Variants in ARHGAP24 observed in about 807,000 individuals in gnomAD.
ARHGAP24 encodes the protein Rho GTPase activating protein 24, also known as rho GTPase-activating protein 24.
Under a neutral mutation model 76.4 loss-of-function variants are expected in ARHGAP24, and 50 were observed. That is an observed-to-expected ratio of 0.65 (90% CI 0.52 to 0.83). The LOEUF (loss-of-function observed/expected upper bound fraction) is 0.83. Ranked by LOEUF, ARHGAP24 falls within the 40% of genes least tolerant of loss-of-function variation. The probability of loss-of-function intolerance (pLI) is 0.00; values close to 1 mark genes in which losing one functional copy is unlikely to be tolerated. For synonymous variants in ARHGAP24, 345 were observed against 323.3 expected, an observed-to-expected ratio of 1.07 and a Z score of -0.72; for missense variants, 930 against 914.2, an observed-to-expected ratio of 1.02 and a Z score of -0.22.
At chr4:85,804,188 AT>A (rs1195550548) in intron 3 of ARHGAP24, among the ~76,000 whole-genome samples, 1 of 152,106 alleles carries the variant, frequency 6.6e-6, no homozygotes, top group Admixed American at 6.5e-5. Flanking sequence ...AATCTCCAAA[AT>A]TTTGTACAAC....
chr4:85,774,158 G>T (rs72976720), intron 3 of ARHGAP24, among the ~76,000 whole-genome samples: 3,583 of 152,274 alleles, frequency 0.024, 150 homozygotes, highest in African/African-American at 0.081. Flanking sequence ...GGCCGTACTT[G>T]AAGTGTAGTG....
At chr4:85,525,325 C>G (rs1308540660) in intron 1 of ARHGAP24, among the ~76,000 whole-genome samples, 1 of 147,632 alleles carries the variant, frequency 6.8e-6, no homozygotes, top group South Asian at 2.2e-4. Flanking sequence ...CCTTTTCACA[C>G]CTTTTCTAGC....
intron 5 of ARHGAP24, 190 bp downstream of exon 5, chr4:85,942,463 C>A (rs955569431): frequency 1.7e-4 from 100 of 590,522 alleles, no homozygotes; most frequent in African/African-American, 1.4e-3. Context: ...AGATATCTTT[C>A]TCTTCCATAC....
At chr4:85,970,427 A>G (rs942772391) in intron 5 of ARHGAP24, among the ~76,000 whole-genome samples, 2 of 152,184 alleles carry the variant, frequency 1.3e-5, no homozygotes, top group African/African-American at 4.8e-5. Context: ...TCAGCTTAGT[A>G]TCTGCAGCCT....
At chr4:85,779,636 A>G (rs190370794) in intron 3 of ARHGAP24, among the ~76,000 whole-genome samples, 56 of 152,248 alleles carry the variant, frequency 3.7e-4, no homozygotes, top group Non-Finnish European at 2.4e-4. Flanking sequence ...ATCTTAGTGT[A>G]AGCTCATTCA....
intron 2 of ARHGAP24, among the ~76,000 whole-genome samples, chr4:85,617,555 TAC>T (rs758434175): frequency 4.6e-5 from 7 of 152,126 alleles, no homozygotes; most frequent in Non-Finnish European, 8.8e-5. Flanking sequence ...GATATAGACA[TAC>T]AGTTATATAC....
chr4:85,745,841 A>G (rs994161973), intron 3 of ARHGAP24, among the ~76,000 whole-genome samples: 2 of 152,326 alleles, frequency 1.3e-5, no homozygotes, highest in Middle Eastern at 3.4e-3. Context: ...GCAAGAATCT[A>G]TAAGTTTCCA....
chr4:85,855,230 G>A (rs922346921), intron 3 of ARHGAP24, among the ~76,000 whole-genome samples: 2 of 152,174 alleles, frequency 1.3e-5, no homozygotes, highest in Admixed American at 6.5e-5. Flanking sequence ...GAGACCCTGA[G>A]CAAAAAGCAA....
At chr4:85,881,819 T>C (rs1733270437) in intron 3 of ARHGAP24, among the ~76,000 whole-genome samples, 3 of 152,166 alleles carry the variant, frequency 2.0e-5, no homozygotes, top group Admixed American at 2.0e-4. Flanking sequence ...GGATTTTACA[T>C]TTTAGTGAAG....
chr4:85,853,497 G>T (rs1483281955), intron 3 of ARHGAP24, among the ~76,000 whole-genome samples: 1 of 152,130 alleles, frequency 6.6e-6, no homozygotes, highest in Non-Finnish European at 1.5e-5. Flanking sequence ...TGTCCAACCA[G>T]TCCCAATGAG....
chr4:85,930,214 A>G (rs1369273835), intron 4 of ARHGAP24: 6 of 982,792 alleles, frequency 6.1e-6, no homozygotes, highest in Admixed American at 6.2e-5. Context: ...GCCTCCCCCC[A>G]CAGATCCAAA....
At chr4:85,909,440 G>A (rs758455011) in intron 3 of ARHGAP24, among the ~76,000 whole-genome samples, 6 of 151,904 alleles carry the variant, frequency 3.9e-5, no homozygotes, top group Non-Finnish European at 7.4e-5. Flanking sequence ...ATTCTATCAC[G>A]TCTTATTGGG....
chr4:85,687,588 A>C (rs1723474616), intron 2 of ARHGAP24, among the ~76,000 whole-genome samples: 1 of 152,134 alleles, frequency 6.6e-6, no homozygotes, highest in Admixed American at 6.5e-5. Context: ...AGCAAAGGAA[A>C]TTATTTTGTT....
At chr4:85,655,942 A>C (rs1243322202) in intron 2 of ARHGAP24, among the ~76,000 whole-genome samples, 1 of 151,854 alleles carries the variant, frequency 6.6e-6, no homozygotes, top group Non-Finnish European at 1.5e-5. Context: ...AAAATAAAGC[A>C]GTTTTATTCA....
chr4:85,775,790 G>A (rs1469204275), intron 3 of ARHGAP24, among the ~76,000 whole-genome samples: 1 of 152,140 alleles, frequency 6.6e-6, no homozygotes, highest in African/African-American at 2.4e-5. Context: ...GCTGAAGCAG[G>A]GGAATTATGG....
chr4:85,725,812 G>A (rs1028922595), intron 3 of ARHGAP24, among the ~76,000 whole-genome samples: 6 of 152,176 alleles, frequency 3.9e-5, no homozygotes, highest in African/African-American at 7.2e-5. Context: ...GGCCTGCAAC[G>A]TAAGGGAAAT....
chr4:85,882,078 A>G (rs943583163), intron 3 of ARHGAP24, among the ~76,000 whole-genome samples: 12 of 152,182 alleles, frequency 7.9e-5, no homozygotes, highest in African/African-American at 2.9e-4. Context: ...ATCCAATTTC[A>G]GGGATTGTAT....
intron 1 of ARHGAP24, among the ~76,000 whole-genome samples, chr4:85,552,950 C>T (rs1726201942): frequency 6.6e-6 from 1 of 152,086 alleles, no homozygotes; most frequent in Non-Finnish European, 1.5e-5. Context: ...GTCTCGCTGA[C>T]TTCAAGAATG....
At chr4:85,801,724 C>T (rs546493957) in intron 3 of ARHGAP24, among the ~76,000 whole-genome samples, 49 of 152,364 alleles carry the variant, frequency 3.2e-4, no homozygotes, top group Admixed American at 2.0e-3. Context: ...CAACAAAACA[C>T]GGCTTGTGAT....
Sources: allele counts gnomAD v4.1 joint callset (sites outside exome capture counted in the v4.1 genomes callset), GRCh38; gene constraint gnomAD v4.1.1; transcripts MANE v1.5; gene names NCBI Gene and HGNC (gene_info 2026-07-23, HGNC 2026-07-21).